The following MYO5A variants were observed in gnomAD, a reference collection of about 807,000 sequenced individuals.
MYO5A encodes the protein unconventional myosin-Va.
In MYO5A, 98 loss-of-function variants were observed where a neutral mutation model predicts 249.7. That is an observed-to-expected ratio of 0.39 (90% CI 0.33 to 0.46). MYO5A has a LOEUF of 0.46. Among genes scored for constraint, MYO5A ranks in the 20% least tolerant of loss-of-function variants. The pLI is 0.98. For missense variants in MYO5A, 1,696 were observed against 2,308.8 expected (o/e 0.73, Z 5.44); for synonymous variants, 778 against 810.6 (o/e 0.96, Z 0.68).
chr15:52,337,915 T>C (rs1361987112), intron 32 of MYO5A, 31 bp from the exon 33 acceptor site: 1 of 1,442,160 alleles, frequency 6.9e-7, no homozygotes. Flanking sequence ...GATATTTGTT[T>C]TTGTCTGTGT....
In MYO5A at chr15:52,328,007, CT is replaced by C. The variant is rs1466267407; in HGVS notation, c.4556-2del. 6.2e-7 allele frequency: 1 copy of C among 1,610,118 alleles called. No individual in the cohort carries two copies. Among genetic ancestry groups the C allele is most frequent in the South Asian group, 1.1e-5 (1 of 90,412 alleles). ...ACTGCTACACCACGTGGCTTCAGTT[CT>C]AAAAAAGAAAAAATAATAATTTTAT... On this transcript the variant is annotated splice_acceptor_variant, in intron 35 of 41. Coordinates refer to ENST00000399233, the MANE Select transcript of MYO5A (RefSeq NM_001382347.1). LOFTEE classifies it high-confidence loss of function.
chr15:52,471,213 C>G (rs1208699023), intron 1 of MYO5A, among the ~76,000 whole-genome samples: 1 of 152,108 alleles, frequency 6.6e-6, no homozygotes, highest in East Asian at 1.9e-4. Context: ...TATCTTGTCC[C>G]TTCCTGCCTT....
intron 39 of MYO5A, among the ~76,000 whole-genome samples, chr15:52,317,829 C>T (rs1224223491): frequency 6.6e-6 from 1 of 152,208 alleles, no homozygotes; most frequent in Non-Finnish European, 1.5e-5. Context: ...ACTACAAAGA[C>T]ATTGTAGGTT....
In MYO5A at chr15:52,311,608, T is replaced by C. The variant is rs2037776927; in HGVS notation, c.*2088A>G. 6.6e-6 allele frequency: 1 copy of C among 152,236 alleles called. No homozygotes were observed. The highest frequency in any genetic ancestry group is 6.5e-5 in the Admixed American group (1 of 15,286). The allele number at this position is 152,236 out of a possible 1,614,324, so 9.4% of individuals were successfully genotyped here. A position where few individuals can be genotyped will look rare whatever the true frequency, so the allele number is the denominator to read the frequency against. On this transcript the variant is annotated 3_prime_UTR_variant, in exon 42 of 42. Transcript: ENST00000399233. ...CTTCTAAAAGCATGTACATAAATCA[T>C]GTACATTTAAGAAAGGTTACAGCTA...
At chr15:52,454,647 T>C (rs541663078) in intron 1 of MYO5A, among the ~76,000 whole-genome samples, 19 of 152,152 alleles carry the variant, frequency 1.2e-4, no homozygotes, top group African/African-American at 4.6e-4. Flanking sequence ...AGAAACCAAG[T>C]ATCTTTTCTG....
intron 4 of MYO5A, among the ~76,000 whole-genome samples, chr15:52,418,441 A>C: frequency 6.6e-6 from 1 of 152,208 alleles, no homozygotes; most frequent in East Asian, 1.9e-4. Context: ...ACTAGAAAGG[A>C]CACAATTAAA....
intron 34 of MYO5A, among the ~76,000 whole-genome samples, chr15:52,335,516 C>CA (rs397854139): frequency 0.079 from 4,769 of 60,704 alleles, 46 homozygotes; most frequent in Non-Finnish European, 0.12. Context: ...ACTCTGTCTC[C>CA]AAAAAAAAAA....
chr15:52,384,577 C>T (rs769174244), intron 14 of MYO5A, among the ~76,000 whole-genome samples: 1 of 152,106 alleles, frequency 6.6e-6, no homozygotes, highest in Non-Finnish European at 1.5e-5. Context: ...CTACTGCACC[C>T]GGACTTGAAA....
chr15:52,494,722 A>G (rs1328851092), intron 1 of MYO5A, among the ~76,000 whole-genome samples: 1 of 152,020 alleles, frequency 6.6e-6, no homozygotes, highest in Non-Finnish European at 1.5e-5. Flanking sequence ...CGAACTCCTG[A>G]CCTCAGGTGA....
At chr15:52,484,647 T>C (rs1292668090) in intron 1 of MYO5A, among the ~76,000 whole-genome samples, 1 of 152,080 alleles carries the variant, frequency 6.6e-6, no homozygotes, top group Non-Finnish European at 1.5e-5. Context: ...ATTTCAATGT[T>C]TGTTTGTTTG....
At chr15:52,520,671 AACTG>A (rs1382930346) in intron 1 of MYO5A, among the ~76,000 whole-genome samples, 1 of 152,188 alleles carries the variant, frequency 6.6e-6, no homozygotes, top group African/African-American at 2.4e-5. Context: ...GTGGCTGGTA[AACTG>A]ACTAACACTG....
intron 24 of MYO5A, among the ~76,000 whole-genome samples, chr15:52,363,217 T>C (rs1474608237): frequency 2.0e-5 from 3 of 152,060 alleles, no homozygotes; most frequent in South Asian, 2.1e-4. Flanking sequence ...ACATGAACAC[T>C]GAAAAAGAAG....
rs775078065 is a variant in MYO5A at position 52,340,307 on chromosome 15, C to T, written c.4128G>A (p.Glu1376=). 4 of 1,613,924 alleles carry T rather than the reference C, an allele frequency of 2.5e-6. No individual in the cohort carries two copies. The highest frequency in any genetic ancestry group is 3.4e-6 in the Non-Finnish European group (4 of 1,180,024). The change falls in exon 32 of 42, where the codon GAG becomes GAA. Residue 1376 remains glutamate, a synonymous_variant. Coordinates refer to ENST00000399233, the MANE Select transcript of MYO5A (RefSeq NM_001382347.1). The part of the protein sequence containing the change: ...ALRGEIQSLK[E]ENNRQQQLLA... ...GCAGCTGCTGCTGTCGGTTGTTCTC[C>T]TCCTTCAGGCTCTGGATCTCCCCAC...
intron 1 of MYO5A, among the ~76,000 whole-genome samples, chr15:52,479,641 G>A (rs1259085982): frequency 6.6e-6 from 1 of 152,176 alleles, no homozygotes; most frequent in East Asian, 1.9e-4. Flanking sequence ...AGAGCAAGCT[G>A]TAAAACATCA....
intron 12 of MYO5A, 125 bp downstream of exon 12, chr15:52,391,805 A>T (rs1224702199): frequency 3.1e-6 from 3 of 982,496 alleles, no homozygotes; most frequent in Non-Finnish European, 4.7e-6. Flanking sequence ...ATGAAAGCAT[A>T]ACCCCTACTT....
chr15:52,506,459 G>A (rs1020823253), intron 1 of MYO5A, among the ~76,000 whole-genome samples: 3 of 151,842 alleles, frequency 2.0e-5, no homozygotes, highest in Non-Finnish European at 4.4e-5. Flanking sequence ...CCTGGGAAGT[G>A]GAGGTTACAG....
At chr15:52,391,344 G>A (rs1355591203) in intron 12 of MYO5A, among the ~76,000 whole-genome samples, 2 of 152,174 alleles carry the variant, frequency 1.3e-5, no homozygotes, top group African/African-American at 4.8e-5. Flanking sequence ...AATGTTGTAG[G>A]AAGTCTGGAT....
chr15:52,528,810 G>C lies in MYO5A; in HGVS notation c.-4C>G. ...TGTAGAGCTCCGACGCAGCCATGGC[G>C]GGCCCCGCGCGCCTACGCCCCCCGC... On this transcript the variant is annotated 5_prime_UTR_variant, in exon 1 of 42. Transcript: ENST00000399233. 6.7e-7 allele frequency: 1 copy of C among 1,487,362 alleles called. No homozygotes were observed. The highest frequency in any genetic ancestry group is 2.9e-5 in the East Asian group (1 of 34,924). 92.1% of individuals were successfully genotyped at this position (1,487,362 alleles called of 1,614,324 possible).
chr15:52,382,965 G>T, intron 16 of MYO5A, 126 bp downstream of exon 16: 1 of 790,546 alleles, frequency 1.3e-6, no homozygotes, highest in Non-Finnish European at 2.2e-6. Flanking sequence ...CCCTCTACAA[G>T]GCATGAAGAC....
Sources: allele counts gnomAD v4.1 joint callset (sites outside exome capture counted in the v4.1 genomes callset), GRCh38; gene constraint gnomAD v4.1.1; transcripts MANE v1.5; gene names NCBI Gene and HGNC (gene_info 2026-07-23, HGNC 2026-07-21).